The following TTC17 variants were observed in gnomAD, a reference collection of about 807,000 sequenced individuals.
TTC17 encodes tetratricopeptide repeat domain 17.
In TTC17, 58 loss-of-function variants were observed where a neutral mutation model predicts 143.8. That is an observed-to-expected ratio of 0.40 (90% CI 0.33 to 0.50). The LOEUF (loss-of-function observed/expected upper bound fraction) is 0.50, where lower values mean the gene tolerates loss of function less well. Ranked by LOEUF, TTC17 falls within the 20% of genes least tolerant of loss-of-function variation. The pLI is 0.49. For missense variants in TTC17, 1,273 were observed against 1,392.5 expected (o/e 0.91, Z 1.37); for synonymous variants, 501 against 497.8 (o/e 1.01, Z -0.09).
Position 43,444,145 on chromosome 11 carries a change from T to A in TTC17, c.2601T>A (p.Asn867Lys). Residue 867 changes from asparagine (N) to lysine (K), a missense_variant, in exon 18 of 24, where the codon AAT becomes AAA. Around this residue, in one of 3 missense-constraint regions of TTC17, gnomAD observed 878 missense variants for 899.8 expected, o/e 0.98. Transcript: ENST00000039989. The part of the protein sequence containing the change: ...GKKVETGQIE[N>K]GHRYQANLEI... The stretch of plus-strand genomic sequence containing the variant: ...AAGTAGAAACAGGTCAGATAGAAAA[T>A]GGACATCGTTACCAAGCAAACCTAG... The A allele has an allele frequency of 6.2e-7, 1 of 1,613,228 alleles. No homozygotes were observed. The highest frequency in any genetic ancestry group is 1.7e-5 in the Admixed American group (1 of 59,924).
At chr11:43,491,789 G>A (rs933855019) in intron 22 of TTC17, 1 of 550,396 alleles carries the variant, frequency 1.8e-6, no homozygotes, top group Admixed American at 3.2e-5. Context: ...ACATTTTGTT[G>A]TGTTTGTTTT....
chr11:43,417,171 G>C (rs1424903231), intron 16 of TTC17, among the ~76,000 whole-genome samples: 4 of 151,894 alleles, frequency 2.6e-5, no homozygotes, highest in Non-Finnish European at 4.4e-5. Flanking sequence ...TTGTAGCTTT[G>C]AAAAGCTAAA....
chr11:43,417,020 A>G (rs1946793566), intron 16 of TTC17, among the ~76,000 whole-genome samples: 1 of 152,186 alleles, frequency 6.6e-6, no homozygotes, highest in Admixed American at 6.5e-5. Context: ...CTCCTAATGG[A>G]TATGTATGCT....
intron 15 of TTC17, among the ~76,000 whole-genome samples, chr11:43,409,876 C>G (rs1858326491): frequency 6.7e-6 from 1 of 149,762 alleles, no homozygotes; most frequent in African/African-American, 2.5e-5. Context: ...AAATCTTGCT[C>G]TGTCACCCAG....
chr11:43,425,485 T>A (rs553641163), intron 16 of TTC17, among the ~76,000 whole-genome samples: 133 of 152,314 alleles, frequency 8.7e-4, no homozygotes, highest in African/African-American at 3.1e-3. Flanking sequence ...ACTATTTTTT[T>A]AAAACAGCAC....
At chr11:43,388,052 A>G (rs1398021961) in intron 2 of TTC17, among the ~76,000 whole-genome samples, 1 of 152,222 alleles carries the variant, frequency 6.6e-6, no homozygotes, top group Non-Finnish European at 1.5e-5. Flanking sequence ...TAAAACTGAA[A>G]ATGTGCATCC....
chr11:43,448,168 T>C lies in TTC17; in HGVS notation c.2786+46T>C, dbSNP rs371452715. The C allele has an allele frequency of 6.2e-5, 100 of 1,607,156 alleles. No individual in the cohort carries two copies. The African/African-American group carries it at 8.4e-4, about 14-fold the overall frequency. On this transcript the variant is annotated intron_variant, in intron 19 of 23. Transcript: ENST00000039989. The stretch of plus-strand genomic sequence containing the variant: ...CCTCCTTTATGGCATTTGAGTCCCA[T>C]TGAACCCAGCTGACTTTAAGGATCC...
At chr11:43,426,091 CA>C (rs1408046402) in intron 16 of TTC17, among the ~76,000 whole-genome samples, 1 of 152,238 alleles carries the variant, frequency 6.6e-6, no homozygotes, top group East Asian at 1.9e-4. Context: ...ATACTGCTGT[CA>C]AGCAAGTTTT....
At position 43,410,705 on chromosome 11, in the gene TTC17, G is replaced by A. The variant is rs545161745; in HGVS notation, c.2064+3128G>A. Among the ~76,000 whole-genome samples the A allele has an allele frequency of 4.6e-5, 7 of 152,198 alleles. No individual in the cohort carries two copies. The East Asian group carries it at 5.8e-4, about 13-fold the overall frequency. On this transcript the variant is annotated intron_variant, in intron 15 of 23. Coordinates refer to ENST00000039989, the MANE Select transcript of TTC17 (RefSeq NM_018259.6). ...ATTTCCACTTAGATGTCTAAAGGGC[G>A]CTCTAGAACAAAAGGCCAAAACCAA...
intron 6 of TTC17, chr11:43,397,143 C>A: frequency 1.9e-6 from 1 of 539,486 alleles, no homozygotes; most frequent in Non-Finnish European, 3.2e-6. Flanking sequence ...ATTGTAAAAT[C>A]ATACAGTGTC....
Position 43,449,901 on chromosome 11 carries a change from T to C in TTC17, c.2787-181T>C, listed in dbSNP as rs953813729. ...AGTTGTGGGTATTTATCACCACTTA[T>C]ATCTTGGAAGAAGAAATCCTAGAAG... On this transcript the variant is annotated intron_variant, in intron 19 of 23. Coordinates refer to ENST00000039989, the MANE Select transcript of TTC17 (RefSeq NM_018259.6). The C allele has an allele frequency of 1.6e-5, 11 of 668,700 alleles. 1 individual carries two copies. Among genetic ancestry groups the C allele is most frequent in the Admixed American group, 9.5e-5 (3 of 31,436 alleles). 41.4% of individuals were successfully genotyped at this position (668,700 alleles called of 1,614,324 possible).
At chr11:43,394,997 A>AC (rs1857524412) in intron 5 of TTC17, among the ~76,000 whole-genome samples, 1 of 150,360 alleles carries the variant, frequency 6.7e-6, no homozygotes, top group South Asian at 2.1e-4. Flanking sequence ...TTTTATGAGA[A>AC]CTACACAAAG....
intron 9 of TTC17, among the ~76,000 whole-genome samples, chr11:43,400,260 A>G (rs1857792735): frequency 6.6e-6 from 1 of 152,198 alleles, no homozygotes; most frequent in Admixed American, 6.5e-5. Flanking sequence ...ACATTTTGAA[A>G]TAAAAAACAA....
At chr11:43,392,875 T>C (rs1385642776) in intron 5 of TTC17, among the ~76,000 whole-genome samples, 1 of 152,186 alleles carries the variant, frequency 6.6e-6, no homozygotes, top group East Asian at 1.9e-4. Flanking sequence ...GATCTAGCAG[T>C]TGGGGTTATC....
intron 16 of TTC17, among the ~76,000 whole-genome samples, chr11:43,419,031 A>G (rs1590388908): frequency 6.6e-6 from 1 of 152,292 alleles, no homozygotes; most frequent in Non-Finnish European, 1.5e-5. Context: ...AATAGGTTCT[A>G]TGTATTAGAA....
chr11:43,435,772 A>G (rs7937002), intron 16 of TTC17, among the ~76,000 whole-genome samples: 21,659 of 152,220 alleles, frequency 0.14, 4,115 homozygotes, highest in African/African-American at 0.44. Context: ...TTTCTCTGCT[A>G]TAATTTATCT....
At chr11:43,453,781 T>C (rs960631207) in intron 21 of TTC17, among the ~76,000 whole-genome samples, 3 of 152,194 alleles carry the variant, frequency 2.0e-5, no homozygotes, top group South Asian at 2.1e-4. Context: ...TGATAAACCA[T>C]TGTTAAGTTG....
At chr11:43,468,626 G>C (rs562339821) in intron 21 of TTC17, among the ~76,000 whole-genome samples, 1 of 152,090 alleles carries the variant, frequency 6.6e-6, no homozygotes, top group South Asian at 2.1e-4. Context: ...AAAAAAATTG[G>C]TAAGTTGGAC....
At position 43,391,852 on chromosome 11, in the gene TTC17, C is replaced by T. The variant is rs1333455202; in HGVS notation, c.563C>T (p.Pro188Leu). Residue 188 changes from proline to leucine, a missense_variant, in exon 5 of 24, where the codon CCT becomes CTT. By Grantham distance (98) the Pro-to-Leu change is moderately conservative (BLOSUM62 -3). This residue lies in a region of TTC17 where 325 missense variants were observed against 444.2 expected (regional missense o/e 0.73). Transcript: ENST00000039989. ...CAGGAGAGAGTTAATCTTTCTGCAC[C>T]TCTGCTACCTAAAGAAGACCCAATC... ...GVQERVNLSA[P>L]LLPKEDPIFT... 13 of 1,613,554 alleles carry T rather than the reference C, an allele frequency of 8.1e-6. No homozygotes were observed. Among genetic ancestry groups the T allele is most frequent in the Non-Finnish European group, 9.3e-6 (11 of 1,179,906 alleles).
Sources: gnomAD v4.1 joint callset for allele counts (sites outside exome capture counted in the v4.1 genomes callset) on GRCh38, gnomAD v4.1.1 for gene constraint, gnomAD v4.1.1 regional missense constraint, MANE v1.5 for transcripts, NCBI Gene and HGNC (gene_info 2026-07-23, HGNC 2026-07-21) for gene names.